The following FAM117A variants were observed in gnomAD, a reference collection of about 807,000 sequenced individuals.
FAM117A encodes family with sequence similarity 117 member A.
FAM117A carries 21 observed loss-of-function variants against 44.1 expected under a neutral mutation model. The ratio of observed to expected loss-of-function variants is 0.48; its 90% CI spans 0.34 to 0.69. The LOEUF is 0.69. FAM117A is among the 30% of genes least tolerant of loss of function. FAM117A has a pLI of 0.01. For synonymous variants in FAM117A, 220 were observed against 238.3 expected (o/e 0.92, Z 0.71); for missense variants, 498 against 589.9 (o/e 0.84, Z 1.61).
At chr17:49,723,417 G>A (rs1224503726) in intron 2 of FAM117A, among the ~76,000 whole-genome samples, 12 of 152,154 alleles carry the variant, frequency 7.9e-5, no homozygotes, top group African/African-American at 2.2e-4. Context: ...CCTGAGCCCC[G>A]ACCCAAGGGA....
intron 1 of FAM117A, among the ~76,000 whole-genome samples, chr17:49,755,155 G>A (rs1341317907): frequency 1.3e-5 from 2 of 152,000 alleles, no homozygotes; most frequent in Non-Finnish European, 1.5e-5. Context: ...CAGGGCCTGC[G>A]AAGTGGTAAC....
chr17:49,787,561 C>A (rs2073821490), intron 1 of FAM117A, among the ~76,000 whole-genome samples: 1 of 152,206 alleles, frequency 6.6e-6, no homozygotes, highest in African/African-American at 2.4e-5. Context: ...GGGGAAATCT[C>A]CATCTTAACG....
intron 5 of FAM117A, chr17:49,717,952 A>C (rs1183953481): frequency 2.6e-6 from 1 of 390,418 alleles, no homozygotes; most frequent in African/African-American, 2.0e-5. Context: ...AGTCCAATGT[A>C]TAATTACATA....
At chr17:49,766,565 C>T (rs2073746423), upstream of FAM117A, among the ~76,000 whole-genome samples, 1 of 152,182 alleles carries the variant, frequency 6.6e-6, no homozygotes, top group South Asian at 2.1e-4. Flanking sequence ...TTGGTCCTGC[C>T]TGAGAGGCAA....
intron 1 of FAM117A, among the ~76,000 whole-genome samples, chr17:49,758,696 A>G (rs2143780816): frequency 6.6e-6 from 1 of 152,040 alleles, no homozygotes; most frequent in South Asian, 2.1e-4. Context: ...AAGGGCTCCA[A>G]ACTGTCTGTG....
rs776202306 is a variant in FAM117A at position 49,720,357 on chromosome 17, A to G, written c.542T>C (p.Leu181Pro). ...TGCTCCCCGCACTGCGTGGTCCCCTAGGAGTGGTGAACCTCGCTCCTTCTC... is the reference window on the plus strand; with the variant it reads ...TGCTCCCCGCACTGCGTGGTCCCCTGGGAGTGGTGAACCTCGCTCCTTCTC... ...GKEKERGSPL[L>P]GDHAVRGALR... Residue 181 changes from leucine (L) to proline (P), a missense_variant, in exon 4 of 8, where the codon CTA (leucine) becomes CCA (proline). Leu to Pro is a moderately conservative substitution (Grantham distance 98). Transcript: ENST00000240364. 2.5e-6 allele frequency: 4 copies of G among 1,613,916 alleles called. No homozygotes were observed. Among genetic ancestry groups the G allele is most frequent in the Non-Finnish European group, 3.4e-6 (4 of 1,179,984 alleles).
intron 1 of FAM117A, among the ~76,000 whole-genome samples, chr17:49,787,167 C>T (rs574266369): frequency 1.3e-5 from 2 of 152,232 alleles, no homozygotes; most frequent in South Asian, 4.2e-4. Flanking sequence ...AGATCCTTAC[C>T]ACCAGTTGGG....
chr17:49,748,789 A>G (rs1306232666), intron 1 of FAM117A, among the ~76,000 whole-genome samples: 2 of 152,146 alleles, frequency 1.3e-5, no homozygotes, highest in East Asian at 3.8e-4. Flanking sequence ...CTTACCCCCA[A>G]CTCTGACAGC....
chr17:49,743,676 C>T (rs1019865993), intron 1 of FAM117A, among the ~76,000 whole-genome samples: 2 of 151,764 alleles, frequency 1.3e-5, no homozygotes, highest in Admixed American at 6.6e-5. Flanking sequence ...TTGCAGTGAG[C>T]CGAGATCGTG....
chr17:49,731,787 AT>A (rs146601145), intron 2 of FAM117A, among the ~76,000 whole-genome samples: 1 of 151,730 alleles, frequency 6.6e-6, no homozygotes, highest in East Asian at 1.9e-4. Context: ...CTCATTTTTT[AT>A]TTTTTTTATT....
At chr17:49,751,117 T>C (rs1357320842) in intron 1 of FAM117A, among the ~76,000 whole-genome samples, 10 of 151,806 alleles carry the variant, frequency 6.6e-5, no homozygotes, top group Admixed American at 5.2e-4. Flanking sequence ...CTGTCTCTAC[T>C]AAAAGCACAA....
chr17:49,784,630 T>A (rs970860875), intron 1 of FAM117A, among the ~76,000 whole-genome samples: 1 of 152,236 alleles, frequency 6.6e-6, no homozygotes, highest in Non-Finnish European at 1.5e-5. Context: ...ATTGTCCTTG[T>A]TTACTGGCAA....
At chr17:49,764,236 C>T (rs2073736823), upstream of FAM117A, 5 of 414,564 alleles carry the variant, frequency 1.2e-5, no homozygotes, top group Non-Finnish European at 2.1e-5. Flanking sequence ...ACCTTCCACC[C>T]CAGCCAATCC....
At chr17:49,763,342 T>G (rs986931404) in intron 1 of FAM117A, among the ~76,000 whole-genome samples, 1 of 151,896 alleles carries the variant, frequency 6.6e-6, no homozygotes, top group Non-Finnish European at 1.5e-5. Flanking sequence ...GGAGGTGGCA[T>G]AAAGGGAAGC....
At chr17:49,740,135 C>T (rs868241013) in intron 1 of FAM117A, among the ~76,000 whole-genome samples, 1 of 152,224 alleles carries the variant, frequency 6.6e-6, no homozygotes, top group Admixed American at 6.5e-5. Context: ...AAGTATCTGC[C>T]TGTTGGGGGA....
At chr17:49,769,156 A>C (rs1392721615) in intron 1 of FAM117A, among the ~76,000 whole-genome samples, 1 of 151,926 alleles carries the variant, frequency 6.6e-6, no homozygotes, top group African/African-American at 2.4e-5. Context: ...TTAGCTGGCC[A>C]TGGTGGCACG....
At chr17:49,737,500 C>T (rs80142379) in intron 1 of FAM117A, among the ~76,000 whole-genome samples, 244 of 152,312 alleles carry the variant, frequency 1.6e-3, no homozygotes, top group African/African-American at 5.5e-3. Context: ...AAGGCTGCTT[C>T]ATCACTGTTT....
At chr17:49,788,868 G>A (rs1389289933), upstream of FAM117A, 2 of 1,580,980 alleles carry the variant, frequency 1.3e-6, no homozygotes, top group East Asian at 2.3e-5. Context: ...CGGGAGAGGA[G>A]GGATGGCGGG....
chr17:49,713,044 TTTA>T (rs1222010156), intron 7 of FAM117A, among the ~76,000 whole-genome samples: 1 of 151,890 alleles, frequency 6.6e-6, no homozygotes, highest in African/African-American at 2.4e-5. Flanking sequence ...CTAGGCTAAT[TTTA>T]TTATTATTAT....
Sources: gnomAD v4.1 joint callset for allele counts (sites outside exome capture counted in the v4.1 genomes callset) on GRCh38, gnomAD v4.1.1 for gene constraint, MANE v1.5 for transcripts, NCBI Gene and HGNC (gene_info 2026-07-23, HGNC 2026-07-21) for gene names.